RPS6KC1: variants seen among roughly 807,000 people sequenced by gnomAD.
RPS6KC1 encodes the protein inactive ribosomal protein S6 kinase delta-1.
A neutral mutation model predicts 103.8 loss-of-function variants in RPS6KC1; 54 were observed. The observed-to-expected ratio is 0.52, with a 90% CI of 0.42 to 0.65. The LOEUF is 0.65. RPS6KC1 is among the 30% of genes least tolerant of loss of function. RPS6KC1 has a pLI of 0.00. For synonymous variants in RPS6KC1, 439 were observed against 438.7 expected, an observed-to-expected ratio of 1.00 and a Z score of -0.01; for missense variants, 1,151 against 1,253.8, an observed-to-expected ratio of 0.92 and a Z score of 1.24.
chr1:213,694,630 C>G, the RPS6KC1 span, among the ~76,000 whole-genome samples: 1 of 152,156 alleles, frequency 6.6e-6, no homozygotes, highest in Non-Finnish European at 1.5e-5. Flanking sequence ...GGGTCTGTTT[C>G]TTGCAACACC....
At chr1:213,159,532 T>C (rs879044364) in intron 6 of RPS6KC1, among the ~76,000 whole-genome samples, 1 of 152,252 alleles carries the variant, frequency 6.6e-6, no homozygotes, top group Admixed American at 6.5e-5. Context: ...TGACGAAGCA[T>C]GGACACCATA....
At chr1:213,295,006 TG>T in the RPS6KC1 span, among the ~76,000 whole-genome samples, 1 of 151,970 alleles carries the variant, frequency 6.6e-6, no homozygotes, top group East Asian at 1.9e-4. Context: ...TCCCTGTGAT[TG>T]GGGGTCTTGA....
chr1:213,628,176 C>A, the RPS6KC1 span, among the ~76,000 whole-genome samples: 5 of 152,112 alleles, frequency 3.3e-5, no homozygotes, highest in Admixed American at 3.3e-4. Context: ...AGGAATTTAT[C>A]CATTTGTTCT....
the RPS6KC1 span, among the ~76,000 whole-genome samples, chr1:213,426,392 A>C: frequency 1.3e-5 from 2 of 152,146 alleles, no homozygotes; most frequent in Non-Finnish European, 2.9e-5. Context: ...CTGGGGTGGC[A>C]CGTGGATTTA....
the RPS6KC1 span, among the ~76,000 whole-genome samples, chr1:213,725,839 G>C: frequency 6.6e-6 from 1 of 152,058 alleles, no homozygotes; most frequent in Non-Finnish European, 1.5e-5. Context: ...TATTTTAAAG[G>C]GTTCTTTACA....
chr1:213,332,857 A>G, the RPS6KC1 span, among the ~76,000 whole-genome samples: 2 of 152,142 alleles, frequency 1.3e-5, no homozygotes, highest in Non-Finnish European at 2.9e-5. Context: ...AAAATGATAC[A>G]AGCCCCTCAG....
chr1:213,515,548 G>A, the RPS6KC1 span, among the ~76,000 whole-genome samples: 1 of 152,084 alleles, frequency 6.6e-6, no homozygotes, highest in African/African-American at 2.4e-5. Context: ...GTAGATATGT[G>A]GCATTATTTC....
the RPS6KC1 span, among the ~76,000 whole-genome samples, chr1:213,426,503 C>T: frequency 2.0e-5 from 3 of 152,156 alleles, no homozygotes; most frequent in African/African-American, 7.2e-5. Flanking sequence ...TTTGTATATC[C>T]TTCTATGTCA....
At chr1:213,506,176 G>A in the RPS6KC1 span, among the ~76,000 whole-genome samples, 2 of 152,140 alleles carry the variant, frequency 1.3e-5, no homozygotes, top group Non-Finnish European at 2.9e-5. Context: ...TAGACTCTTG[G>A]CATTGCTGTC....
intron 12 of RPS6KC1, among the ~76,000 whole-genome samples, chr1:213,246,450 G>GT (rs2094455865): frequency 6.6e-6 from 1 of 152,012 alleles, no homozygotes. Context: ...TGCTTTTTTT[G>GT]TTGTGAGGGA....
intron 8 of RPS6KC1, among the ~76,000 whole-genome samples, chr1:213,217,043 G>C (rs1324279108): frequency 1.3e-5 from 2 of 151,674 alleles, no homozygotes; most frequent in Non-Finnish European, 2.9e-5. Flanking sequence ...GAAGGAGATA[G>C]AGACACAAAA....
the RPS6KC1 span, among the ~76,000 whole-genome samples, chr1:213,313,278 AGAG>A: frequency 6.6e-5 from 10 of 152,166 alleles, no homozygotes; most frequent in Non-Finnish European, 1.3e-4. Context: ...CAATCCGCCC[AGAG>A]GAGGCAACTC....
chr1:213,552,460 T>C, the RPS6KC1 span, among the ~76,000 whole-genome samples: 2 of 152,236 alleles, frequency 1.3e-5, no homozygotes, highest in African/African-American at 2.4e-5. Flanking sequence ...ATTTCCCTAA[T>C]AACATGATTT....
At chr1:213,142,866 C>T (rs912568404) in intron 6 of RPS6KC1, among the ~76,000 whole-genome samples, 6 of 151,948 alleles carry the variant, frequency 3.9e-5, no homozygotes, top group Non-Finnish European at 5.9e-5. Context: ...ATGGTGTAAA[C>T]GTAATTATTA....
chr1:213,618,939 T>A, the RPS6KC1 span, among the ~76,000 whole-genome samples: 1 of 152,124 alleles, frequency 6.6e-6, no homozygotes, highest in African/African-American at 2.4e-5. Context: ...AATCACAGAA[T>A]AATGTGGGGA....
the RPS6KC1 span, among the ~76,000 whole-genome samples, chr1:213,401,784 C>CTTTATTTA: frequency 1.3e-5 from 2 of 151,550 alleles, no homozygotes; most frequent in Non-Finnish European, 1.5e-5. Context: ...TTTTTACTTA[C>CTTTATTTA]TTTATTTATT....
At chr1:213,287,529 G>A in the RPS6KC1 span, among the ~76,000 whole-genome samples, 167 of 152,256 alleles carry the variant, frequency 1.1e-3, no homozygotes, top group African/African-American at 3.5e-3. Flanking sequence ...ATGGACTTGG[G>A]TCTCTGGTTC....
In RPS6KC1 at chr1:213,176,481, G is replaced by A; in HGVS notation, c.1033G>A (p.Val345Met). 2 of 1,597,028 alleles carry A rather than the reference G, an allele frequency of 1.3e-6. No individual in the cohort carries two copies. The highest frequency in any genetic ancestry group is 2.2e-5 in the South Asian group (2 of 89,422). Reference sequence around the variant, plus strand: ...GCTGAAGGCCTTCAGAGTCCTTGGGGTGATTGACAAGGTAATTCTTCAGTG... The same window carrying A: ...GCTGAAGGCCTTCAGAGTCCTTGGGATGATTGACAAGGTAATTCTTCAGTG... ...EELKAFRVLG[V>M]IDKVLLVMDT... is the part of the protein sequence containing the mutation. Residue 345 changes from valine to methionine, a missense_variant, in exon 8 of 15, where the codon GTG (valine) becomes ATG (methionine). Val to Met is a conservative substitution (Grantham distance 21). Coordinates refer to ENST00000366960, the MANE Select transcript of RPS6KC1 (RefSeq NM_012424.6).
At chr1:213,428,149 T>G in the RPS6KC1 span, among the ~76,000 whole-genome samples, 6 of 152,156 alleles carry the variant, frequency 3.9e-5, no homozygotes, top group Non-Finnish European at 7.4e-5. Flanking sequence ...TGCCTCAGAC[T>G]TTTCAGGAGC....
Sources: gnomAD v4.1 joint callset for allele counts (sites outside exome capture counted in the v4.1 genomes callset) on GRCh38, gnomAD v4.1.1 for gene constraint, MANE v1.5 for transcripts, NCBI Gene and HGNC (gene_info 2026-07-23, HGNC 2026-07-21) for gene names.